SLIT3: variants seen among roughly 807,000 people sequenced by gnomAD.
SLIT3 encodes the protein slit homolog 3 protein.
In SLIT3, 68 loss-of-function variants were observed where a neutral mutation model predicts 184.0. The ratio of observed to expected loss-of-function variants is 0.37; its 90% CI spans 0.30 to 0.45. The LOEUF (loss-of-function observed/expected upper bound fraction) is 0.45. Ranked by LOEUF, SLIT3 falls within the 20% of genes least tolerant of loss-of-function variation. SLIT3 has a pLI of 1.00. For missense variants in SLIT3, 1,707 were observed against 2,026.0 expected (o/e 0.84, Z 3.02); for synonymous variants, 831 against 828.6 (o/e 1.00, Z -0.05).
At chr5:168,709,106 T>TTG (rs1377808191) in intron 25 of SLIT3, among the ~76,000 whole-genome samples, 5 of 151,504 alleles carry the variant, frequency 3.3e-5, no homozygotes, top group South Asian at 4.2e-4. Flanking sequence ...TGTTTGTTTT[T>TTG]TTTTTTTTTT....
intron 10 of SLIT3, among the ~76,000 whole-genome samples, chr5:168,794,012 T>A (rs1457012300): frequency 2.0e-5 from 3 of 152,224 alleles, no homozygotes; most frequent in African/African-American, 4.8e-5. Context: ...TGGTTTGGAT[T>A]TCCAGGGAGA....
intron 4 of SLIT3, among the ~76,000 whole-genome samples, chr5:169,164,298 C>A (rs1013075569): frequency 6.6e-6 from 1 of 152,154 alleles, no homozygotes; most frequent in Admixed American, 6.5e-5. Context: ...TCAATTCCCT[C>A]GGAGAAAGCT....
At chr5:169,003,847 G>T (rs554899586) in intron 4 of SLIT3, among the ~76,000 whole-genome samples, 1 of 152,192 alleles carries the variant, frequency 6.6e-6, no homozygotes, top group South Asian at 2.1e-4. Context: ...CAGCTAAACA[G>T]GCTTTGACAT....
At chr5:169,192,453 G>A (rs1763588078) in intron 4 of SLIT3, among the ~76,000 whole-genome samples, 2 of 150,374 alleles carry the variant, frequency 1.3e-5, no homozygotes, top group African/African-American at 4.9e-5. Context: ...GTGTGTGTGT[G>A]TGTATAGACA....
chr5:168,853,273 A>G (rs1758738863), intron 5 of SLIT3, among the ~76,000 whole-genome samples: 1 of 152,220 alleles, frequency 6.6e-6, no homozygotes. Flanking sequence ...CCTTACTGAA[A>G]GAAGGATACC....
intron 4 of SLIT3, among the ~76,000 whole-genome samples, chr5:169,190,839 G>A (rs1411590121): frequency 2.0e-5 from 3 of 152,062 alleles, no homozygotes; most frequent in Non-Finnish European, 2.9e-5. Context: ...TTTCTAATTT[G>A]TACCCTGCTT....
intron 4 of SLIT3, among the ~76,000 whole-genome samples, chr5:169,001,425 A>T (rs1755698934): frequency 6.6e-6 from 1 of 152,164 alleles, no homozygotes; most frequent in African/African-American, 2.4e-5. Flanking sequence ...AAATATTTAG[A>T]ATAAAAAAAC....
chr5:169,167,686 A>T (rs1420245951), intron 4 of SLIT3, among the ~76,000 whole-genome samples: 7 of 152,124 alleles, frequency 4.6e-5, no homozygotes, highest in African/African-American at 1.7e-4. Flanking sequence ...TGAGAGGCTA[A>T]TCTGCACTGG....
intron 4 of SLIT3, among the ~76,000 whole-genome samples, chr5:169,158,419 G>C (rs1042377906): frequency 6.6e-6 from 1 of 151,858 alleles, no homozygotes; most frequent in Non-Finnish European, 1.5e-5. Flanking sequence ...GAAATTCTCA[G>C]ATGAAAGGAA....
At chr5:169,128,935 G>C (rs1581437889) in intron 4 of SLIT3, among the ~76,000 whole-genome samples, 1 of 152,226 alleles carries the variant, frequency 6.6e-6, no homozygotes, top group South Asian at 2.1e-4. Context: ...CTGGAAATAA[G>C]AGATGACTTT....
chr5:168,995,860 G>A (rs1443512287), intron 4 of SLIT3, among the ~76,000 whole-genome samples: 1 of 152,176 alleles, frequency 6.6e-6, no homozygotes, highest in Non-Finnish European at 1.5e-5. Context: ...CTGGGCCTCT[G>A]TTCTCATACA....
intron 1 of SLIT3, among the ~76,000 whole-genome samples, chr5:169,293,499 C>T (rs73319601): frequency 0.02 from 3,059 of 152,250 alleles, 103 homozygotes; most frequent in African/African-American, 0.07. Flanking sequence ...AGGAGGTCTA[C>T]ACTCAGTAAG....
chr5:168,724,535 T>G (rs1763045559), intron 20 of SLIT3, 51 bp from the exon 21 acceptor site: 1 of 1,519,044 alleles, frequency 6.6e-7, no homozygotes, highest in South Asian at 1.2e-5. Flanking sequence ...CTGTACAAAT[T>G]CTCACCTTTT....
intron 6 of SLIT3, among the ~76,000 whole-genome samples, chr5:168,839,530 T>A (rs1034503322): frequency 6.6e-6 from 1 of 152,176 alleles, no homozygotes; most frequent in Non-Finnish European, 1.5e-5. Context: ...ATGTAAGATA[T>A]CTCAATTTTT....
At chr5:169,198,278 C>G (rs1441296246) in intron 3 of SLIT3, among the ~76,000 whole-genome samples, 3 of 152,234 alleles carry the variant, frequency 2.0e-5, no homozygotes, top group African/African-American at 4.8e-5. Flanking sequence ...AATGGAGCAG[C>G]AGCTAACCCA....
At chr5:168,820,801 T>C (rs1352925196) in intron 7 of SLIT3, among the ~76,000 whole-genome samples, 1 of 152,212 alleles carries the variant, frequency 6.6e-6, no homozygotes, top group Non-Finnish European at 1.5e-5. Context: ...AGACGCTAAA[T>C]TAAATTTCCA....
chr5:169,045,541 A>G (rs1040755031), intron 4 of SLIT3, among the ~76,000 whole-genome samples: 1 of 152,174 alleles, frequency 6.6e-6, no homozygotes, highest in Non-Finnish European at 1.5e-5. Flanking sequence ...GACACACGGT[A>G]GGTATTCAAT....
At chr5:168,846,654 GA>G (rs1488496820) in intron 5 of SLIT3, among the ~76,000 whole-genome samples, 2 of 152,220 alleles carry the variant, frequency 1.3e-5, no homozygotes, top group Non-Finnish European at 2.9e-5. Context: ...CGCCTAAGTA[GA>G]AAAGGATCTA....
At chr5:169,004,959 C>T (rs770525814) in intron 4 of SLIT3, among the ~76,000 whole-genome samples, 70 of 152,176 alleles carry the variant, frequency 4.6e-4, no homozygotes, top group Non-Finnish European at 9.4e-4. Flanking sequence ...GTTTATGGTA[C>T]AGGCGCACGT....
Sources: gnomAD v4.1 joint callset for allele counts (sites outside exome capture counted in the v4.1 genomes callset) on GRCh38, gnomAD v4.1.1 for gene constraint, MANE v1.5 for transcripts, NCBI Gene and HGNC (gene_info 2026-07-23, HGNC 2026-07-21) for gene names.